The following PRKN variants were observed in gnomAD, a reference collection of about 807,000 sequenced individuals.
PRKN encodes the protein E3 ubiquitin-protein ligase parkin.
In PRKN, 56 loss-of-function variants were observed where a neutral mutation model predicts 59.5. The observed-to-expected ratio is 0.94, with a 90% CI of 0.76 to 1.18. The LOEUF is 1.18. Among genes scored for constraint, PRKN ranks in the 50% most tolerant of loss-of-function variants. The pLI, the probability that PRKN is intolerant of heterozygous loss-of-function variation, is 0.00. For synonymous variants in PRKN, 250 were observed against 222.1 expected (o/e 1.13, Z -1.12); for missense variants, 657 against 596.4 (o/e 1.10, Z -1.06).
At chr6:161,960,798 T>C (rs1279806582) in intron 6 of PRKN, among the ~76,000 whole-genome samples, 1 of 152,266 alleles carries the variant, frequency 6.6e-6, no homozygotes, top group Non-Finnish European at 1.5e-5. Context: ...CAATACCAAC[T>C]CCTCACCTAC....
intron 3 of PRKN, among the ~76,000 whole-genome samples, chr6:162,232,471 G>T (rs1243742159): frequency 2.0e-5 from 3 of 152,186 alleles, no homozygotes; most frequent in Admixed American, 2.0e-4. Context: ...CAAATGGCCA[G>T]TTGAATGTCA....
At chr6:162,356,704 T>C (rs1784876276) in intron 2 of PRKN, among the ~76,000 whole-genome samples, 3 of 146,562 alleles carry the variant, frequency 2.0e-5, no homozygotes, top group Non-Finnish European at 1.5e-5. Context: ...CACCCGACTT[T>C]AATGCTTACT....
At chr6:161,449,949 G>T (rs780933074) in intron 9 of PRKN, among the ~76,000 whole-genome samples, 1 of 152,122 alleles carries the variant, frequency 6.6e-6, no homozygotes. Context: ...CAGAGCCAAC[G>T]GTGCCTGCCT....
intron 4 of PRKN, among the ~76,000 whole-genome samples, chr6:162,079,410 C>T (rs1335715643): frequency 1.3e-5 from 2 of 152,078 alleles, no homozygotes; most frequent in African/African-American, 2.4e-5. Context: ...CTTTTCTATA[C>T]CCAAAGCCAG....
intron 2 of PRKN, among the ~76,000 whole-genome samples, chr6:162,368,794 A>G (rs1785592926): frequency 6.6e-6 from 1 of 152,218 alleles, no homozygotes; most frequent in African/African-American, 2.4e-5. Flanking sequence ...TAATTGATAT[A>G]GCATAATTTG....
chr6:162,698,815 T>A (rs1437626512), intron 1 of PRKN, among the ~76,000 whole-genome samples: 1 of 152,122 alleles, frequency 6.6e-6, no homozygotes, highest in African/African-American at 2.4e-5. Context: ...AGTCCCTTAG[T>A]TTTTAGAAAC....
chr6:162,175,858 G>A (rs9458471), intron 4 of PRKN, among the ~76,000 whole-genome samples: 69,880 of 152,114 alleles, frequency 0.46, 18,798 homozygotes, highest in Non-Finnish European at 0.61. Context: ...TCCAGTCTCA[G>A]TAAATATCTG....
In PRKN at chr6:161,849,731, G is replaced by C. The variant is rs1351109996; in HGVS notation, c.735-63823C>G. 2.6e-5 allele frequency among the ~76,000 whole-genome samples: 4 copies of C among 152,244 alleles called. No homozygotes were observed. The East Asian group carries it at 5.8e-4, about 22-fold the overall frequency. ...TGAACAGAATTCAATTCGAATTTTG[G>C]GTTCACATTTAGTCTTATAATTTAA... is the stretch of plus-strand genomic sequence containing the variant. On this transcript the variant is annotated intron_variant, in intron 6 of 11. Transcript: ENST00000366898.
At chr6:161,658,969 G>A (rs1258523732) in intron 7 of PRKN, among the ~76,000 whole-genome samples, 3 of 152,238 alleles carry the variant, frequency 2.0e-5, no homozygotes, top group Non-Finnish European at 4.4e-5. Flanking sequence ...AACTGAGGAC[G>A]AGAGGAGGCC....
chr6:162,374,390 G>GTTT (rs35660808), intron 2 of PRKN, among the ~76,000 whole-genome samples: 1 of 144,444 alleles, frequency 6.9e-6, no homozygotes, highest in African/African-American at 2.5e-5. Context: ...GTCTGCTATA[G>GTTT]TTTTTTTTTT....
intron 6 of PRKN, among the ~76,000 whole-genome samples, chr6:161,907,258 C>T (rs553355603): frequency 1.3e-5 from 2 of 152,122 alleles, no homozygotes; most frequent in African/African-American, 4.8e-5. Context: ...CACTGGTTTA[C>T]AAGAAACTTC....
At chr6:161,665,671 T>G (rs1784700009) in intron 7 of PRKN, among the ~76,000 whole-genome samples, 1 of 152,172 alleles carries the variant, frequency 6.6e-6, no homozygotes, top group African/African-American at 2.4e-5. Context: ...CACCCTACAT[T>G]AGTATCAAAC....
At chr6:161,501,917 C>T (rs1355739556) in intron 9 of PRKN, among the ~76,000 whole-genome samples, 1 of 152,170 alleles carries the variant, frequency 6.6e-6, no homozygotes, top group African/African-American at 2.4e-5. Flanking sequence ...AGATATAACC[C>T]TACGTTTCTA....
At chr6:161,653,845 C>T (rs576438879) in intron 7 of PRKN, among the ~76,000 whole-genome samples, 142 of 152,272 alleles carry the variant, frequency 9.3e-4, no homozygotes, top group Admixed American at 2.9e-3. Flanking sequence ...TGTGAAGACT[C>T]CTAAGAGGAA....
At chr6:162,600,433 C>A (rs1466689893) in intron 1 of PRKN, among the ~76,000 whole-genome samples, 1 of 152,144 alleles carries the variant, frequency 6.6e-6, no homozygotes, top group Non-Finnish European at 1.5e-5. Context: ...AAGATGTGAA[C>A]ATTTTTGTAC....
rs1485052579 is a variant in PRKN, at chr6:161,592,629, C to A, written c.872-23213G>T. Among the ~76,000 whole-genome samples the A allele has an allele frequency of 1.3e-5, 2 of 151,982 alleles. No individual in the cohort carries two copies. The highest frequency in any genetic ancestry group is 2.9e-5 in the Non-Finnish European group (2 of 68,010). ...AAGTACACAAACTAAAGAGAGAAAA[C>A]CCTAAGGGCTATGGAGAAAGATGAA... On this transcript the variant is annotated intron_variant, in intron 7 of 11. Transcript: ENST00000366898. This position sits in a 1 kb window ranked among gnomAD's most constrained non-coding sequence, Gnocchi z 4.8.
chr6:161,635,424 G>A (rs1783476478), intron 7 of PRKN, among the ~76,000 whole-genome samples: 1 of 152,170 alleles, frequency 6.6e-6, no homozygotes, highest in Admixed American at 6.5e-5. Context: ...GGCCCACAGT[G>A]AAAATGCTTT....
At chr6:162,535,065 T>C (rs1778663624) in intron 1 of PRKN, among the ~76,000 whole-genome samples, 4 of 152,196 alleles carry the variant, frequency 2.6e-5, no homozygotes, top group Non-Finnish European at 5.9e-5. Context: ...CCTGGGGGTA[T>C]GAGAAAAAAC....
At chr6:161,881,366 C>G (rs9365334) in intron 6 of PRKN, among the ~76,000 whole-genome samples, 31,491 of 152,034 alleles carry the variant, frequency 0.21, 3,538 homozygotes, top group East Asian at 0.34. Flanking sequence ...TATGTGTAAA[C>G]TACAAGCGTC....
Sources: gnomAD v4.1 joint callset for allele counts (sites outside exome capture counted in the v4.1 genomes callset) on GRCh38, gnomAD v4.1.1 for gene constraint, Gnocchi (gnomAD v3.1) non-coding constraint, MANE v1.5 for transcripts, NCBI Gene and HGNC (gene_info 2026-07-23, HGNC 2026-07-21) for gene names.